The following PMCH variants were observed in gnomAD, a reference collection of about 807,000 sequenced individuals.
PMCH encodes the protein pro-MCH.
PMCH carries 8 observed loss-of-function variants against 15.9 expected under a neutral mutation model. The observed-to-expected ratio is 0.50, with a 90% CI of 0.29 to 0.91. The LOEUF is 0.91. PMCH is among the 40% of genes least tolerant of loss of function. The pLI, the probability that PMCH is intolerant of heterozygous loss-of-function variation, is 0.07. For synonymous variants in PMCH, 73 were observed against 63.8 expected, an observed-to-expected ratio of 1.14 and a Z score of -0.69; for missense variants, 169 against 185.7, an observed-to-expected ratio of 0.91 and a Z score of 0.52.
At chr12:102,196,739 A>G (rs752266364) in intron 2 of PMCH, 38 bp from the exon 3 acceptor site, 38 of 1,471,556 alleles carry the variant, frequency 2.6e-5, no homozygotes, top group Middle Eastern at 2.3e-4. Flanking sequence ...TTAAAGGACT[A>G]TAATTATCAC....
At chr12:102,197,237 A>G (rs925862901) in intron 1 of PMCH, 66 bp from the exon 2 acceptor site, 4 of 1,243,436 alleles carry the variant, frequency 3.2e-6, no homozygotes, top group Admixed American at 4.0e-5. Flanking sequence ...ATACAATTGT[A>G]TAATATTCTT....
intron 2 of PMCH, 71 bp from the exon 3 acceptor site, chr12:102,196,772 G>T (rs1891348156): frequency 8.0e-7 from 1 of 1,247,870 alleles, no homozygotes; most frequent in South Asian, 1.2e-5. Context: ...AAGAAAAAAA[G>T]AATGGATCTA....
intron 1 of PMCH, 175 bp downstream of exon 1, chr12:102,197,347 T>C: frequency 1.2e-6 from 1 of 813,994 alleles, no homozygotes. Flanking sequence ...AAGAGGTGTT[T>C]GCTGGGATGG....
intron 2 of PMCH, 116 bp from the exon 3 acceptor site, chr12:102,196,817 A>T (rs1891352072): frequency 2.9e-6 from 3 of 1,052,564 alleles, no homozygotes; most frequent in Non-Finnish European, 4.3e-6. Context: ...AAATGATAAT[A>T]ATTAATTGTT....
At position 102,197,000 on chromosome 12, in the gene PMCH, A is replaced by C; in HGVS notation, c.421T>G (p.Phe141Val). 6.2e-7 allele frequency: 1 copy of C among 1,611,716 alleles called. No individual in the cohort carries two copies. The highest frequency in any genetic ancestry group is 8.5e-7 in the Non-Finnish European group (1 of 1,178,430). Residue 141 changes from phenylalanine to valine, a missense_variant, in exon 2 of 3, where the codon TTT becomes GTT. Transcript: ENST00000329406. The part of the protein sequence containing the change: ...EIGDEENSAK[F>V]PIGRRDFDML... The stretch of plus-strand genomic sequence containing the variant: ...TCAAAATCTCTCCTTCCTATAGGAA[A>C]TTTAGCTGAGTTTTCTTCATCCCCA...
rs1036636016 is a variant in PMCH at position 102,196,557 on chromosome 12, C to T, written c.*95G>A. 2 of 897,600 alleles carry T rather than the reference C, an allele frequency of 2.2e-6. No individual in the cohort carries two copies. Among genetic ancestry groups the T allele is most frequent in the Admixed American group, 1.8e-5 (1 of 55,612 alleles). The allele number at this position is 897,600 out of a possible 1,614,324, so 55.6% of individuals were successfully genotyped here. On this transcript the variant is annotated 3_prime_UTR_variant, in exon 3 of 3. Transcript: ENST00000329406. ...ACTTTCTTTTAAAACAGACATTTAA[C>T]ATACACAAGTTATAGTAGCAGTATG... is the stretch of plus-strand genomic sequence containing the variant.
intron 2 of PMCH, 34 bp downstream of exon 2, chr12:102,196,939 G>T: frequency 6.7e-7 from 1 of 1,503,018 alleles, no homozygotes; most frequent in Non-Finnish European, 9.2e-7. Flanking sequence ...ATGGTGGTAG[G>T]ATGTAAGAAT....
intron 2 of PMCH, 42 bp downstream of exon 2, chr12:102,196,931 G>T (rs781075906): frequency 1.4e-6 from 2 of 1,476,334 alleles, no homozygotes; most frequent in Non-Finnish European, 1.9e-6. Context: ...TCTGTTTAAT[G>T]GTGGTAGGAT....
In PMCH at chr12:102,197,645, G is replaced by A. The variant is rs567890950; in HGVS notation, c.126C>T (p.Phe42=). 5 of 1,612,046 alleles carry A rather than the reference G, an allele frequency of 3.1e-6. No homozygotes were observed. The highest frequency in any genetic ancestry group is 4.2e-6 in the Non-Finnish European group (5 of 1,178,668). The part of the protein sequence containing the change: ...NLDDDMVFNT[F]RLGKGFQKED... ...CCTTCTGAAAGCCTTTCCCCAACCTGAATGTATTAAATACCATGTCATCAT... is the reference window on the plus strand; with the variant it reads ...CCTTCTGAAAGCCTTTCCCCAACCTAAATGTATTAAATACCATGTCATCAT... Residue 42 remains phenylalanine, a synonymous_variant, in exon 1 of 3, where the codon TTC becomes TTT. Transcript: ENST00000329406.
intron 2 of PMCH, 61 bp downstream of exon 2, chr12:102,196,912 A>C (rs1228774960): frequency 1.7e-5 from 24 of 1,404,504 alleles, no homozygotes; most frequent in Non-Finnish European, 2.4e-5. Flanking sequence ...ATTCACTTTA[A>C]CTCAGAGTTC....
At chr12:102,196,776 G>A (rs1891348584) in intron 2 of PMCH, 75 bp from the exon 3 acceptor site, 9 of 1,225,810 alleles carry the variant, frequency 7.3e-6, no homozygotes, top group Non-Finnish European at 1.2e-6. Context: ...AAAAAAGAAT[G>A]GATCTAGTAT....
Position 102,197,528 on chromosome 12 carries a change from A to C in PMCH, c.243T>G (p.Val81=). 6.2e-7 allele frequency: 1 copy of C among 1,603,286 alleles called. No homozygotes were observed. The highest frequency in any genetic ancestry group is 8.5e-7 in the Non-Finnish European group (1 of 1,176,026). ...AAGTCACATTGCCACTTACCTTTGA[A>C]ACTTTATTTTCCTCTTCGTTCATGA... ...SSFMNEEENK[V]SKNTGSKHNF... is the part of the protein sequence containing the mutation. Residue 81 remains valine (V), a synonymous_variant, in exon 1 of 3, where the codon GTT becomes GTG. Coordinates refer to ENST00000329406, the MANE Select transcript of PMCH (RefSeq NM_002674.4).
chr12:102,196,683 C>G lies in PMCH; in HGVS notation c.467G>C (p.Gly156Ala). The change falls in exon 3 of 3, where the codon GGA becomes GCA. Residue 156 changes from glycine (G) to alanine (A), a missense_variant. Coordinates refer to ENST00000329406, the MANE Select transcript of PMCH (RefSeq NM_002674.4). ...TTGCCAACAAGGTCGGTAGACTCTTCCCAGCATACATCTGAGCACTGAAGG... is the reference window on the plus strand; with the variant it reads ...TTGCCAACAAGGTCGGTAGACTCTTGCCAGCATACATCTGAGCACTGAAGG... ...RDFDMLRCML[G>A]RVYRPCWQV The G allele has an allele frequency of 1.9e-6, 3 of 1,609,250 alleles. No homozygotes were observed. Among genetic ancestry groups the G allele is most frequent in the Non-Finnish European group, 2.6e-6 (3 of 1,176,294 alleles).
chr12:102,196,965 C>G lies in PMCH; in HGVS notation c.448+8G>C, dbSNP rs1252838750. On this transcript the variant is annotated splice_region_variant and intron_variant, in intron 2 of 2. Coordinates refer to ENST00000329406, the MANE Select transcript of PMCH (RefSeq NM_002674.4). Reference sequence around the variant, plus strand: ...ATGTAAGAATTGAATTTTGAAAAGACTACTCACTGTCAAAATCTCTCCTTC... The same window carrying G: ...ATGTAAGAATTGAATTTTGAAAAGAGTACTCACTGTCAAAATCTCTCCTTC... 23 of 1,600,430 alleles carry G rather than the reference C, an allele frequency of 1.4e-5. No individual in the cohort carries two copies. The highest frequency in any genetic ancestry group is 1.8e-5 in the Non-Finnish European group (21 of 1,168,782).
chr12:102,197,467 G>A, intron 1 of PMCH, 55 bp downstream of exon 1: 1 of 1,486,592 alleles, frequency 6.7e-7, no homozygotes, highest in Non-Finnish European at 9.1e-7. Context: ...CAGAGGATTT[G>A]TAAGAATCAT....
rs1323854413 is a variant in PMCH at position 102,197,820 on chromosome 12, TTC to T, written c.-52_-51del. The T allele has an allele frequency of 5.8e-6, 8 of 1,387,890 alleles. No homozygotes were observed. The highest frequency in any genetic ancestry group is 1.5e-5 in the South Asian group (1 of 68,574). 86.0% of individuals were successfully genotyped at this position (1,387,890 alleles called of 1,614,324 possible). On this transcript the variant is annotated 5_prime_UTR_variant, in exon 1 of 3. Transcript: ENST00000329406. ...TCAAACAAGAAAGAAAATGAAAAATTTCTCTGTCAGCCTGCTTGGTAAACGAT... is the reference window on the plus strand; with the variant it reads ...TCAAACAAGAAAGAAAATGAAAAATTTCTGTCAGCCTGCTTGGTAAACGAT...
chr12:102,196,536 TCTTTTAAAACAGACATTTAAC>T lies in PMCH; in HGVS notation c.*95_*115del, dbSNP rs1891327597. 1.2e-6 allele frequency: 1 copy of T among 836,512 alleles called. No homozygotes were observed. The highest frequency in any genetic ancestry group is 1.9e-5 in the Admixed American group (1 of 52,322). The allele number at this position is 836,512 out of a possible 1,614,324, so 51.8% of individuals were successfully genotyped here. ...TTACTGATACATCTTAACACTACTT[TCTTTTAAAACAGACATTTAAC>T]ATACACAAGTTATAGTAGCAGTATG... On this transcript the variant is annotated 3_prime_UTR_variant, in exon 3 of 3. Coordinates refer to ENST00000329406, the MANE Select transcript of PMCH (RefSeq NM_002674.4).
chr12:102,196,479 G>A lies in PMCH; in HGVS notation c.*173C>T, dbSNP rs948556731. 7 of 732,318 alleles carry A rather than the reference G, an allele frequency of 9.6e-6. No homozygotes were observed. The East Asian group carries it at 1.7e-4, about 18-fold the overall frequency. The allele number at this position is 732,318 out of a possible 1,614,324, so 45.4% of individuals were successfully genotyped here. ...CATAATTATGCAGAATTTTCACAAA[G>A]TTTAATGCACAGAGAAAGCATATCA... On this transcript the variant is annotated 3_prime_UTR_variant, in exon 3 of 3. Coordinates refer to ENST00000329406, the MANE Select transcript of PMCH (RefSeq NM_002674.4).
chr12:102,197,442 A>G, intron 1 of PMCH, 80 bp downstream of exon 1: 2 of 1,275,556 alleles, frequency 1.6e-6, no homozygotes, highest in Non-Finnish European at 2.2e-6. Flanking sequence ...TTATAAAAGT[A>G]TCAGTTTTAC....
Sources: allele counts gnomAD v4.1 joint callset, GRCh38; gene constraint gnomAD v4.1.1; transcripts MANE v1.5; gene names NCBI Gene and HGNC (gene_info 2026-07-23, HGNC 2026-07-21).